Variants in SEPTIN8 observed in about 807,000 individuals in gnomAD.
The protein encoded by SEPTIN8 is septin 8, also known as septin-8.
A neutral mutation model predicts 53.1 loss-of-function variants in SEPTIN8; 22 were observed. That is an observed-to-expected ratio of 0.41 (90% confidence interval 0.30 to 0.59). The LOEUF (loss-of-function observed/expected upper bound fraction) is 0.59, where lower values mean the gene tolerates loss of function less well. Ranked by LOEUF, SEPTIN8 falls within the 20% of genes least tolerant of loss-of-function variation. SEPTIN8 has a pLI of 0.24. For synonymous variants in SEPTIN8, 228 were observed against 248.4 expected, an observed-to-expected ratio of 0.92 and a Z score of 0.77; for missense variants, 536 against 638.7, an observed-to-expected ratio of 0.84 and a Z score of 1.73.
intron 9 of SEPTIN8, chr5:132,756,290 T>TCGG: frequency 1.0e-6 from 1 of 985,160 alleles, no homozygotes; most frequent in African/African-American, 1.7e-5. Context: ...TATTTCCACA[T>TCGG]CGGCCTGGGA....
rs367682921 is a variant in SEPTIN8, at chr5:132,765,478, C to T, written c.82G>A (p.Asp28Asn). The change falls in exon 2 of 10, where the codon GAC (aspartate) becomes AAC (asparagine). Residue 28 changes from aspartate (D) to asparagine (N), a missense_variant. Asp to Asn is a conservative substitution (Grantham distance 23). Transcript: ENST00000378719. Reference protein sequence around the residue: ...SLSLGGHVGFDSLPDQLVSKS... With the variant: ...SLSLGGHVGFNSLPDQLVSKS... ...CTGACCAGCTGGTCGGGGAGGCTGT[C>T]GAAACCCACATGGCCGCCCAGGGAG... The T allele has an allele frequency of 3.1e-6, 5 of 1,612,874 alleles. No homozygotes were observed. The highest frequency in any genetic ancestry group is 2.2e-5 in the South Asian group (2 of 90,992).
chr5:132,777,878 A>C (rs1757938141), upstream of SEPTIN8: 1 of 985,498 alleles, frequency 1.0e-6, no homozygotes, highest in East Asian at 1.1e-4. This position sits in a 1 kb window ranked among gnomAD's most constrained non-coding sequence, Gnocchi z 4.1. Context: ...CAGGATGCGC[A>C]GTTTAGGCTG....
chr5:132,751,243 A>G lies in SEPTIN8; in HGVS notation c.*773T>C, dbSNP rs1754819296. On this transcript the variant is annotated 3_prime_UTR_variant, in exon 10 of 10. Coordinates refer to ENST00000378719, the MANE Select transcript of SEPTIN8 (RefSeq NM_001098811.2). ...TTTACAAAGATTTTTAGACGGCACT[A>G]TTATGGTGAGTTTCTCTTTTAAATA... 4.8e-6 allele frequency: 2 copies of G among 420,270 alleles called. No individual in the cohort carries two copies. Among genetic ancestry groups the G allele is most frequent in the Non-Finnish European group, 8.4e-6 (2 of 238,478 alleles). The allele number at this position is 420,270 out of a possible 1,614,324, so 26.0% of individuals were successfully genotyped here. A position where few individuals can be genotyped will look rare whatever the true frequency, so the allele number is the denominator to read the frequency against.
At chr5:132,758,620 G>A in intron 9 of SEPTIN8, 1 of 1,597,662 alleles carries the variant, frequency 6.3e-7, no homozygotes, top group Non-Finnish European at 8.5e-7. Context: ...TGTTTGCATA[G>A]AGAGGGGTGG....
Position 132,761,627 on chromosome 5 carries a change from C to G in SEPTIN8, c.794-1G>C, listed in dbSNP as rs1394886825. The G allele has an allele frequency of 6.2e-7, 1 of 1,613,572 alleles. No individual in the cohort carries two copies. The highest frequency in any genetic ancestry group is 8.5e-7 in the Non-Finnish European group (1 of 1,179,760). On this transcript the variant is annotated splice_acceptor_variant, in intron 6 of 9. Coordinates refer to ENST00000378719, the MANE Select transcript of SEPTIN8 (RefSeq NM_001098811.2). LOFTEE classifies it high-confidence loss of function. The surrounding 1 kb of genome is among the most constrained non-coding windows in gnomAD (Gnocchi z 5.8). The stretch of plus-strand genomic sequence containing the variant: ...AAGTCGCAGTGATTCTCATTCTCCA[C>G]TGAAAGCAGAGGGCCGGTGGGGTAT...
At chr5:132,768,622 G>C (rs1371604172) in intron 1 of SEPTIN8, among the ~76,000 whole-genome samples, 3 of 152,220 alleles carry the variant, frequency 2.0e-5, no homozygotes, top group African/African-American at 7.2e-5. Context: ...AGGTGACCCA[G>C]TGGCTACCAG....
chr5:132,779,920 C>T (rs556908981), upstream of SEPTIN8, among the ~76,000 whole-genome samples: 7 of 152,306 alleles, frequency 4.6e-5, no homozygotes, highest in African/African-American at 1.4e-4. Context: ...GCTGCTTCAA[C>T]AAGATAGAAA....
chr5:132,770,715 G>C (rs973478059), intron 1 of SEPTIN8, among the ~76,000 whole-genome samples: 2 of 152,172 alleles, frequency 1.3e-5, no homozygotes, highest in African/African-American at 4.8e-5. Flanking sequence ...GAGCCTTCAG[G>C]CAGGACAACT....
upstream of SEPTIN8, among the ~76,000 whole-genome samples, chr5:132,779,523 G>C (rs1163537979): frequency 2.0e-5 from 3 of 152,180 alleles, no homozygotes; most frequent in Non-Finnish European, 2.9e-5. Flanking sequence ...GCACCACACT[G>C]AACTTGAACA....
At position 132,751,041 on chromosome 5, in the gene SEPTIN8, T is replaced by C. The variant is rs375817817; in HGVS notation, c.*975A>G. ...ACAGAGTCTACCCTAAACTCGTTTG[T>C]GCCTTTGGAACAGCTGTTTACAACA... On this transcript the variant is annotated 3_prime_UTR_variant, in exon 10 of 10. Transcript: ENST00000378719. 9 of 1,602,792 alleles carry C rather than the reference T, an allele frequency of 5.6e-6. No homozygotes were observed. The highest frequency in any genetic ancestry group is 7.7e-6 in the Non-Finnish European group (9 of 1,175,398).
chr5:132,758,890 A>C, intron 9 of SEPTIN8: 1 of 1,469,406 alleles, frequency 6.8e-7, no homozygotes, highest in East Asian at 2.3e-5. Context: ...AGACCAAATC[A>C]AACAGAAGCA....
At position 132,761,782 on chromosome 5, in the gene SEPTIN8, T is replaced by G. The variant is rs373587209; in HGVS notation, c.793+18A>C. On this transcript the variant is annotated intron_variant, in intron 6 of 9. Coordinates refer to ENST00000378719, the MANE Select transcript of SEPTIN8 (RefSeq NM_001098811.2). This position sits in a 1 kb window ranked among gnomAD's most constrained non-coding sequence, Gnocchi z 5.8. ...AACTCAGTTCTACCCCCAGGATGCATTTCCTGTCCACACTCACCCTGCACC... is the reference window on the plus strand; with the variant it reads ...AACTCAGTTCTACCCCCAGGATGCAGTTCCTGTCCACACTCACCCTGCACC... 118 of 1,601,820 alleles carry G rather than the reference T, an allele frequency of 7.4e-5. No homozygotes were observed. The highest frequency in any genetic ancestry group is 8.9e-5 in the Non-Finnish European group (105 of 1,173,840).
Position 132,760,652 on chromosome 5 carries a change from G to T in SEPTIN8, c.1286+150C>A. The T allele has an allele frequency of 1.4e-6, 1 of 732,634 alleles. No individual in the cohort carries two copies. 45.4% of individuals were successfully genotyped at this position (732,634 alleles called of 1,614,324 possible). A position where few individuals can be genotyped will look rare whatever the true frequency, so the allele number is the denominator to read the frequency against. The stretch of plus-strand genomic sequence containing the variant: ...AAGAAAAAGGCAACCAAGAAAGCTG[G>T]GGGGAGAGCCACTGAAGATGAGGGA... On this transcript the variant is annotated intron_variant, in intron 9 of 9. Transcript: ENST00000378719. The surrounding 1 kb of genome is among the most constrained non-coding windows in gnomAD (Gnocchi z 5.2).
rs1036559961 is a variant in SEPTIN8 at position 132,776,360 on chromosome 5, T to C, written c.30+748A>G. Among the ~76,000 whole-genome samples, 1 of 152,154 alleles carries C rather than the reference T, an allele frequency of 6.6e-6. No homozygotes were observed. Among genetic ancestry groups the C allele is most frequent in the Non-Finnish European group, 1.5e-5 (1 of 68,032 alleles). ...GTGAATTATGAAAGCCTTTAGTAAG[T>C]TGGCTGTCGGCAGGCTCAGGCCCAG... On this transcript the variant is annotated intron_variant, in intron 1 of 9. Transcript: ENST00000378719. The surrounding 1 kb of genome is among the most constrained non-coding windows in gnomAD (Gnocchi z 4.4).
At chr5:132,754,635 T>C (rs1366554180) in intron 9 of SEPTIN8, 1 of 637,750 alleles carries the variant, frequency 1.6e-6, no homozygotes, top group Non-Finnish European at 2.9e-6. Context: ...CACTTTTGTA[T>C]TGCCGAAGTC....
chr5:132,770,014 TATATATATACACAC>T (rs1757056400), intron 1 of SEPTIN8, among the ~76,000 whole-genome samples: 1 of 56,228 alleles, frequency 1.8e-5, no homozygotes, highest in African/African-American at 8.7e-5. Flanking sequence ...TATATATATA[TATATATATACACAC>T]ACATATATAT....
intron 9 of SEPTIN8, chr5:132,752,957 C>CA: frequency 6.2e-7 from 1 of 1,613,944 alleles, no homozygotes; most frequent in Non-Finnish European, 8.5e-7. Context: ...AACTTTGTGT[C>CA]ACCTGCCAAC....
intron 9 of SEPTIN8, chr5:132,756,806 A>G (rs1755385136): frequency 1.0e-6 from 1 of 985,354 alleles, no homozygotes; most frequent in South Asian, 4.7e-5. Flanking sequence ...CCCGCAGGCC[A>G]CAATGGACGA....
rs1757148129 is a variant in SEPTIN8, at chr5:132,770,117, ATATATATG to A, written c.31-4596_31-4589del. Reference sequence around the variant, plus strand: ...TATATATATGTATATATGTATATATATATATATGTATATATGTGTATGTGTGTGTATAT... The same window carrying A: ...TATATATATGTATATATGTATATATATATATATGTGTATGTGTGTGTATAT... On this transcript the variant is annotated intron_variant, in intron 1 of 9. Transcript: ENST00000378719. 4.4e-5 allele frequency among the ~76,000 whole-genome samples: 4 copies of A among 91,304 alleles called. No homozygotes were observed. The South Asian group carries it at 1.1e-3, about 24-fold the overall frequency. The allele number at this position is 91,304 out of a possible 152,430, so 59.9% of individuals were successfully genotyped here. A position where few individuals can be genotyped will look rare whatever the true frequency, so the allele number is the denominator to read the frequency against.
Sources: gnomAD v4.1 joint callset for allele counts (sites outside exome capture counted in the v4.1 genomes callset) on GRCh38, gnomAD v4.1.1 for gene constraint, Gnocchi (gnomAD v3.1) non-coding constraint, MANE v1.5 for transcripts, NCBI Gene and HGNC (gene_info 2026-07-23, HGNC 2026-07-21) for gene names.